Variants in MSI2 observed in about 807,000 individuals in gnomAD.
MSI2 encodes the protein musashi RNA binding protein 2.
In MSI2, 17 loss-of-function variants were observed where a neutral mutation model predicts 45.6. The observed-to-expected ratio is 0.37, with a 90% confidence interval of 0.26 to 0.56. The LOEUF is 0.56. MSI2 is among the 20% of genes least tolerant of loss of function. The pLI, the probability that MSI2 is intolerant of heterozygous loss-of-function variation, is 0.77. For missense variants in MSI2, 293 were observed against 444.2 expected (o/e 0.66, Z 3.06); for synonymous variants, 156 against 158.2 (o/e 0.99, Z 0.11).
intron 7 of MSI2, among the ~76,000 whole-genome samples, chr17:57,585,592 C>T (rs1014664213): frequency 6.6e-6 from 1 of 152,222 alleles, no homozygotes; most frequent in African/African-American, 2.4e-5. Context: ...ATTGAAACTC[C>T]CTCTTAGCTT....
At chr17:57,366,049 G>A (rs529806533) in intron 5 of MSI2, among the ~76,000 whole-genome samples, 64 of 152,206 alleles carry the variant, frequency 4.2e-4, no homozygotes, top group Non-Finnish European at 7.8e-4. Context: ...GAATAGCTGG[G>A]ACCACCGTTG....
At chr17:57,471,968 G>A (rs2085445819) in intron 6 of MSI2, among the ~76,000 whole-genome samples, 1 of 122,436 alleles carries the variant, frequency 8.2e-6, no homozygotes, top group Non-Finnish European at 1.8e-5. Flanking sequence ...TGCCTGAGGA[G>A]CTTGTCCTCT....
chr17:57,473,000 C>A (rs1422923363), intron 6 of MSI2, among the ~76,000 whole-genome samples: 1 of 151,700 alleles, frequency 6.6e-6, no homozygotes. Context: ...TCAAGTGATT[C>A]CCCTGCCTCA....
chr17:57,443,927 C>T (rs2084848390), intron 6 of MSI2, among the ~76,000 whole-genome samples: 1 of 152,194 alleles, frequency 6.6e-6, no homozygotes. Context: ...CCTCTCTCCT[C>T]CTGAGTCCAG....
intron 6 of MSI2, among the ~76,000 whole-genome samples, chr17:57,480,725 A>G (rs1343483492): frequency 6.6e-6 from 1 of 152,200 alleles, no homozygotes; most frequent in East Asian, 1.9e-4. Flanking sequence ...GCCACCTTCT[A>G]CCTTTTGGGC....
chr17:57,430,039 C>T (rs920462596), intron 6 of MSI2, among the ~76,000 whole-genome samples: 2 of 152,174 alleles, frequency 1.3e-5, no homozygotes, highest in African/African-American at 4.8e-5. Flanking sequence ...AGCAGAGGAC[C>T]TCACACACAG....
intron 5 of MSI2, chr17:57,264,438 T>G (rs1293844579): frequency 6.6e-6 from 1 of 152,166 alleles, no homozygotes; most frequent in African/African-American, 2.4e-5. Flanking sequence ...GGTCTTAAAC[T>G]CCTGGGCCAA....
At chr17:57,487,902 G>T (rs535437083) in intron 6 of MSI2, among the ~76,000 whole-genome samples, 1 of 151,774 alleles carries the variant, frequency 6.6e-6, no homozygotes, top group South Asian at 2.1e-4. Context: ...CATAGTACTT[G>T]GTGCCCCCTC....
intron 11 of MSI2, among the ~76,000 whole-genome samples, chr17:57,664,877 A>G (rs1056663115): frequency 2.6e-5 from 4 of 152,186 alleles, no homozygotes; most frequent in African/African-American, 9.7e-5. Flanking sequence ...AGGAACTTTG[A>G]TCCTGTTAGG....
In MSI2 at chr17:57,653,062, C is replaced by T. The variant is rs535900114; in HGVS notation, c.790+901C>T. Among the ~76,000 whole-genome samples, 31 of 150,872 alleles carry T rather than the reference C, an allele frequency of 2.1e-4. 1 individual carries two copies. Among genetic ancestry groups the T allele is most frequent in the Admixed American group, 1.8e-3 (28 of 15,180 alleles). On this transcript the variant is annotated intron_variant, in intron 11 of 13. Transcript: ENST00000284073. ...CAGGGCTCTGGAGCACCCAGGGAAG[C>T]GCCTAGTTTGATGTCACAGGGCTCT...
At chr17:57,559,195 A>T (rs1050385671) in intron 7 of MSI2, among the ~76,000 whole-genome samples, 1 of 152,258 alleles carries the variant, frequency 6.6e-6, no homozygotes, top group Non-Finnish European at 1.5e-5. Flanking sequence ...ACAAAGTGAG[A>T]TGGAACCCTG....
In MSI2 at chr17:57,526,383, G is replaced by A. The variant is rs745436004; in HGVS notation, c.406-3293G>A. On this transcript the variant is annotated intron_variant, in intron 6 of 13. Transcript: ENST00000284073. ...TGTGTGTGTGTGTGTGTGTGTGTGTGTGTGTGTGTGTGTGTGTGTGTGTGT... is the reference window on the plus strand; with the variant it reads ...TGTGTGTGTGTGTGTGTGTGTGTGTATGTGTGTGTGTGTGTGTGTGTGTGT... Among the ~76,000 whole-genome samples, 467 of 90,600 alleles carry A rather than the reference G, an allele frequency of 5.2e-3. 3 individuals are homozygous for A. The highest frequency in any genetic ancestry group is 7.1e-3 in the Non-Finnish European group (337 of 47,372). 59.4% of individuals were successfully genotyped at this position (90,600 alleles called of 152,430 possible).
rs1410260859 is a variant in MSI2 at position 57,280,631 on chromosome 17, T to C, written c.312+18439T>C. ...GACAGGCAGGGCAGGTGTGCCTGGC[T>C]CAGGGGGTTGAGTGTAACCCCTTGG... On this transcript the variant is annotated intron_variant, in intron 5 of 13. Coordinates refer to ENST00000284073, the MANE Select transcript of MSI2 (RefSeq NM_138962.4). The surrounding 1 kb of genome is among the most constrained non-coding windows in gnomAD (Gnocchi z 4.2). 6.6e-6 allele frequency among the ~76,000 whole-genome samples: 1 copy of C among 152,170 alleles called. No homozygotes were observed. The highest frequency in any genetic ancestry group is 1.5e-5 in the Non-Finnish European group (1 of 68,034).
chr17:57,553,654 A>G (rs964523369), intron 7 of MSI2, among the ~76,000 whole-genome samples: 13 of 152,162 alleles, frequency 8.5e-5, no homozygotes, highest in African/African-American at 3.1e-4. Context: ...TTCGATTCTC[A>G]TCGCGGAGGG....
intron 6 of MSI2, among the ~76,000 whole-genome samples, chr17:57,423,807 G>A (rs2084440820): frequency 6.6e-6 from 1 of 152,098 alleles, no homozygotes; most frequent in African/African-American, 2.4e-5. Context: ...TCTTTGCGAA[G>A]CTGGAGCCAA....
At chr17:57,643,516 A>G (rs902429434) in intron 10 of MSI2, among the ~76,000 whole-genome samples, 5 of 152,184 alleles carry the variant, frequency 3.3e-5, no homozygotes, top group African/African-American at 1.2e-4. Flanking sequence ...TCCCAGTTGC[A>G]GGGAACCTGC....
chr17:57,562,017 A>G (rs1057295543), intron 7 of MSI2, among the ~76,000 whole-genome samples: 3 of 152,238 alleles, frequency 2.0e-5, no homozygotes, highest in Non-Finnish European at 4.4e-5. Flanking sequence ...CCTCATCTGT[A>G]AAACAGGGAT....
chr17:57,677,219 C>T (rs562208351), intron 13 of MSI2, among the ~76,000 whole-genome samples, 160 bp downstream of exon 13: 1 of 152,324 alleles, frequency 6.6e-6, no homozygotes, highest in Non-Finnish European at 1.5e-5. Context: ...AAAGCAAATC[C>T]AGTCGTTTAA....
chr17:57,547,939 A>T (rs2087208961), intron 7 of MSI2, among the ~76,000 whole-genome samples: 1 of 151,934 alleles, frequency 6.6e-6, no homozygotes, highest in African/African-American at 2.4e-5. Flanking sequence ...GTCCCTAAAC[A>T]CTCCAGTTTT....
Sources: gnomAD v4.1 joint callset for allele counts (sites outside exome capture counted in the v4.1 genomes callset) on GRCh38, gnomAD v4.1.1 for gene constraint, Gnocchi (gnomAD v3.1) non-coding constraint, MANE v1.5 for transcripts, NCBI Gene and HGNC (gene_info 2026-07-23, HGNC 2026-07-21) for gene names.